Variants in SH2D4B observed in about 807,000 individuals in gnomAD.
The protein encoded by SH2D4B is SH2 domain-containing protein 4B.
In SH2D4B, 45 loss-of-function variants were observed where a neutral mutation model predicts 61.5. The ratio of observed to expected loss-of-function variants is 0.73; its 90% CI spans 0.58 to 0.94. SH2D4B has a LOEUF of 0.94. Ranked by LOEUF, SH2D4B falls within the 40% of genes least tolerant of loss-of-function variation. The probability of loss-of-function intolerance (pLI) is 0.00; values close to 1 mark genes in which losing one functional copy is unlikely to be tolerated. For missense variants in SH2D4B, 572 were observed against 574.2 expected (o/e 1.00, Z 0.04); for synonymous variants, 224 against 220.4 (o/e 1.02, Z -0.14).
chr10:80,571,302 C>T, intron 2 of SH2D4B, 129 bp from the exon 3 acceptor site: 1 of 1,052,914 alleles, frequency 9.5e-7, no homozygotes, highest in Non-Finnish European at 1.4e-6. Context: ...CCTATTTCTC[C>T]CTGTCTTTGC....
chr10:80,587,243 C>G (rs1162037112), intron 3 of SH2D4B, among the ~76,000 whole-genome samples: 2 of 145,502 alleles, frequency 1.4e-5, no homozygotes, highest in South Asian at 4.5e-4. Context: ...TCAAGCCATT[C>G]TCGTGCCTCT....
At chr10:80,559,460 C>G (rs1302511235) in intron 1 of SH2D4B, among the ~76,000 whole-genome samples, 3 of 152,130 alleles carry the variant, frequency 2.0e-5, no homozygotes, top group Admixed American at 2.0e-4. Context: ...TGCCTTTCTA[C>G]AATCTTGCTC....
chr10:80,624,256 A>G (rs1200946103), intron 6 of SH2D4B, among the ~76,000 whole-genome samples: 1 of 152,156 alleles, frequency 6.6e-6, no homozygotes, highest in Non-Finnish European at 1.5e-5. Context: ...TCCAACAGAA[A>G]CTAGGGTATA....
At chr10:80,585,839 C>A (rs2132127673) in intron 3 of SH2D4B, among the ~76,000 whole-genome samples, 1 of 152,234 alleles carries the variant, frequency 6.6e-6, no homozygotes, top group South Asian at 2.1e-4. Context: ...CTGGCCAAGG[C>A]CAGAGCCGGC....
chr10:80,602,320 G>A (rs1306424298), intron 4 of SH2D4B, among the ~76,000 whole-genome samples: 2 of 152,218 alleles, frequency 1.3e-5, no homozygotes, highest in South Asian at 4.2e-4. Flanking sequence ...AAACTTAGAT[G>A]GGCATGGTGG....
intron 1 of SH2D4B, among the ~76,000 whole-genome samples, chr10:80,540,660 GCA>G (rs1045273794): frequency 3.3e-5 from 5 of 152,274 alleles, no homozygotes; most frequent in African/African-American, 1.2e-4. Flanking sequence ...AGTGAGCTGT[GCA>G]CACATTCACT....
At chr10:80,567,978 C>T (rs189444559) in intron 1 of SH2D4B, among the ~76,000 whole-genome samples, 67 of 152,304 alleles carry the variant, frequency 4.4e-4, no homozygotes, top group Non-Finnish European at 7.5e-4. Flanking sequence ...CTTTCCTAGA[C>T]ATATTTCTCA....
At chr10:80,622,662 G>T (rs1265371819) in intron 6 of SH2D4B, among the ~76,000 whole-genome samples, 1 of 152,206 alleles carries the variant, frequency 6.6e-6, no homozygotes, top group Non-Finnish European at 1.5e-5. Context: ...CTCACCCAGG[G>T]TTGGGGAGGG....
intron 6 of SH2D4B, among the ~76,000 whole-genome samples, chr10:80,628,192 T>G (rs1281003183): frequency 6.6e-6 from 1 of 151,744 alleles, no homozygotes; most frequent in Admixed American, 6.6e-5. Context: ...GATCAGAGGG[T>G]GATATGGTTT....
chr10:80,559,435 T>A (rs2132111260), intron 1 of SH2D4B, among the ~76,000 whole-genome samples: 1 of 152,306 alleles, frequency 6.6e-6, no homozygotes, highest in Middle Eastern at 3.4e-3. Flanking sequence ...CAGATTCAGT[T>A]GAGACCTACT....
At chr10:80,577,674 C>A (rs915912137) in intron 3 of SH2D4B, among the ~76,000 whole-genome samples, 25 of 152,200 alleles carry the variant, frequency 1.6e-4, no homozygotes, top group African/African-American at 5.5e-4. Flanking sequence ...GATCCACCCG[C>A]CTCAGCCTCC....
Position 80,560,145 on chromosome 10 carries a change from G to A in SH2D4B, c.185-10009G>A, listed in dbSNP as rs187435001. Among the ~76,000 whole-genome samples the A allele has an allele frequency of 9.2e-3, 1,384 of 151,092 alleles. 18 individuals carry two copies. Among genetic ancestry groups the A allele is most frequent in the African/African-American group, 0.032 (1,298 of 41,156 alleles). ...TGGGACTACAGGTGCCCGCCACCTC[G>A]CCCGGCTAATTTTTTGTATTTTTAG... is the stretch of plus-strand genomic sequence containing the variant. On this transcript the variant is annotated intron_variant, in intron 1 of 7. Transcript: ENST00000646907.
intron 1 of SH2D4B, among the ~76,000 whole-genome samples, chr10:80,550,524 G>A (rs957055197): frequency 1.3e-5 from 2 of 152,044 alleles, no homozygotes; most frequent in African/African-American, 4.8e-5. Flanking sequence ...AACCCAGGAG[G>A]TGGAGCTTGC....
At chr10:80,597,921 G>A (rs1842403284) in intron 4 of SH2D4B, among the ~76,000 whole-genome samples, 2 of 152,184 alleles carry the variant, frequency 1.3e-5, no homozygotes, top group Non-Finnish European at 1.5e-5. Context: ...GAAAAATGAG[G>A]CTTGAAAGAT....
intron 1 of SH2D4B, among the ~76,000 whole-genome samples, chr10:80,561,171 T>C (rs1291646743): frequency 6.6e-6 from 1 of 152,240 alleles, no homozygotes; most frequent in Admixed American, 6.5e-5. Flanking sequence ...ACAGACAAGC[T>C]ATATATGTTT....
intron 1 of SH2D4B, among the ~76,000 whole-genome samples, chr10:80,565,070 C>T (rs1841946784): frequency 6.6e-6 from 1 of 152,198 alleles, no homozygotes; most frequent in South Asian, 2.1e-4. Flanking sequence ...ACAGTTTGAA[C>T]ACTCAGCAGT....
At chr10:80,555,970 G>A (rs1433810757) in intron 1 of SH2D4B, among the ~76,000 whole-genome samples, 1 of 152,196 alleles carries the variant, frequency 6.6e-6, no homozygotes, top group Non-Finnish European at 1.5e-5. Flanking sequence ...GGAAACCCAG[G>A]TAAGACGATG....
chr10:80,584,699 T>A (rs6586088), intron 3 of SH2D4B, among the ~76,000 whole-genome samples: 7 of 152,044 alleles, frequency 4.6e-5, no homozygotes, highest in Non-Finnish European at 1.0e-4. Context: ...GGCTTTGCAG[T>A]AAACTATTTT....
At chr10:80,613,033 G>A (rs756736067) in intron 6 of SH2D4B, among the ~76,000 whole-genome samples, 3 of 152,222 alleles carry the variant, frequency 2.0e-5, no homozygotes, top group Non-Finnish European at 2.9e-5. Context: ...CCATGCCAGT[G>A]TGTTTCCTGA....
Sources: gnomAD v4.1 joint callset for allele counts (sites outside exome capture counted in the v4.1 genomes callset) on GRCh38, gnomAD v4.1.1 for gene constraint, MANE v1.5 for transcripts, NCBI Gene and HGNC (gene_info 2026-07-23, HGNC 2026-07-21) for gene names.